Variants in ARFGEF1 observed in about 807,000 individuals in gnomAD.
ARFGEF1 encodes ARF guanine nucleotide exchange factor 1.
A neutral mutation model predicts 231.0 loss-of-function variants in ARFGEF1; 42 were observed. The observed-to-expected ratio is 0.18, with a 90% CI of 0.14 to 0.24. ARFGEF1 has a LOEUF of 0.24. Ranked by LOEUF, ARFGEF1 falls within the 10% of genes least tolerant of loss-of-function variation. The pLI, the probability that ARFGEF1 is intolerant of heterozygous loss-of-function variation, is 1.00. For missense variants in ARFGEF1, 1,345 were observed against 2,192.0 expected (o/e 0.61, Z 7.72); for synonymous variants, 710 against 732.3 (o/e 0.97, Z 0.49).
intron 17 of ARFGEF1, among the ~76,000 whole-genome samples, chr8:67,255,421 T>A (rs1027401693): frequency 2.0e-4 from 31 of 152,140 alleles, no homozygotes; most frequent in African/African-American, 3.6e-4. Context: ...TAAATATGCC[T>A]AAAATTTTTT....
intron 15 of ARFGEF1, among the ~76,000 whole-genome samples, chr8:67,259,138 G>C (rs1282593902): frequency 6.6e-6 from 1 of 152,156 alleles, no homozygotes; most frequent in Non-Finnish European, 1.5e-5. Context: ...TCAATTTGTG[G>C]TTGGTTGAAT....
chr8:67,180,902 A>G (rs1832852737), intron 5 of ARFGEF1, among the ~76,000 whole-genome samples: 1 of 151,968 alleles, frequency 6.6e-6, no homozygotes, highest in South Asian at 2.1e-4. Context: ...TACTCTGATC[A>G]TGAGTGTTTC....
At chr8:67,220,918 C>A (rs1181979156) in intron 29 of ARFGEF1, among the ~76,000 whole-genome samples, 1 of 147,900 alleles carries the variant, frequency 6.8e-6, no homozygotes, top group African/African-American at 2.5e-5. Context: ...TTTTTAAAGC[C>A]ATACTTAAGT....
At chr8:67,224,204 G>A (rs573666637) in intron 29 of ARFGEF1, among the ~76,000 whole-genome samples, 3 of 151,972 alleles carry the variant, frequency 2.0e-5, no homozygotes, top group African/African-American at 7.2e-5. Flanking sequence ...AAAAGATTTT[G>A]TTTACCATAA....
intron 23 of ARFGEF1, among the ~76,000 whole-genome samples, chr8:67,230,773 G>A (rs1839528397): frequency 6.6e-6 from 1 of 151,932 alleles, no homozygotes; most frequent in Non-Finnish European, 1.5e-5. Flanking sequence ...TTATGAAATT[G>A]GTCTAATTTA....
In ARFGEF1 at chr8:67,285,035, G is replaced by C. The variant is rs988206713; in HGVS notation, c.1027+2920C>G. On this transcript the variant is annotated intron_variant, in intron 7 of 38. Transcript: ENST00000262215. Reference sequence around the variant, plus strand: ...CAGACAAAAAAATAAAAATAATGATGATACAGGATTATAACACATCAAATA... The same window carrying C: ...CAGACAAAAAAATAAAAATAATGATCATACAGGATTATAACACATCAAATA... Among the ~76,000 whole-genome samples the C allele has an allele frequency of 1.2e-4, 15 of 121,752 alleles. No homozygotes were observed. The Admixed American group carries it at 1.5e-3, about 12-fold the overall frequency. 79.9% of individuals were successfully genotyped at this position (121,752 alleles called of 152,430 possible).
intron 7 of ARFGEF1, 87 bp from the exon 8 acceptor site, chr8:67,277,544 G>A: frequency 1.6e-6 from 2 of 1,281,752 alleles, no homozygotes; most frequent in Non-Finnish European, 2.2e-6. Context: ...AAATGAAACA[G>A]TGGCAGGAAA....
intron 34 of ARFGEF1, chr8:67,207,243 C>A (rs1264883090): frequency 6.6e-6 from 1 of 152,186 alleles, no homozygotes; most frequent in Non-Finnish European, 1.5e-5. Flanking sequence ...CCTAGTAGCA[C>A]CTGGACTCCA....
At chr8:67,227,348 A>T in intron 26 of ARFGEF1, 39 bp from the exon 27 acceptor site, 1 of 1,600,872 alleles carries the variant, frequency 6.2e-7, no homozygotes, top group Non-Finnish European at 8.5e-7. Flanking sequence ...ATGCAAACCG[A>T]TAAAACTCAT....
chr8:67,330,311 A>G (rs1808042134), intron 1 of ARFGEF1, among the ~76,000 whole-genome samples: 1 of 152,130 alleles, frequency 6.6e-6, no homozygotes, highest in Non-Finnish European at 1.5e-5. Context: ...ATGTTGGCAT[A>G]CTCATTGACT....
At chr8:67,212,338 C>T (rs764056176) in intron 33 of ARFGEF1, among the ~76,000 whole-genome samples, 4 of 152,200 alleles carry the variant, frequency 2.6e-5, no homozygotes, top group Non-Finnish European at 5.9e-5. Flanking sequence ...CTGCCTCGGC[C>T]TCCCAAAGTG....
intron 5 of ARFGEF1, among the ~76,000 whole-genome samples, chr8:67,188,335 G>A (rs1835256933): frequency 6.6e-6 from 1 of 152,224 alleles, no homozygotes; most frequent in Non-Finnish European, 1.5e-5. Flanking sequence ...GCCTAGCTGG[G>A]AAGGTGACTG....
At chr8:67,252,842 C>T (rs1273381991) in intron 18 of ARFGEF1, among the ~76,000 whole-genome samples, 7 of 152,154 alleles carry the variant, frequency 4.6e-5, no homozygotes, top group Admixed American at 4.6e-4. Flanking sequence ...TCCTAAACCT[C>T]CCCACCTCCT....
At chr8:67,216,273 A>G (rs1186600803) in intron 33 of ARFGEF1, among the ~76,000 whole-genome samples, 4 of 152,136 alleles carry the variant, frequency 2.6e-5, no homozygotes, top group Admixed American at 6.5e-5. Flanking sequence ...TGAGTAGGCC[A>G]TGAGAATTAG....
At chr8:67,294,606 T>C (rs935903895) in intron 5 of ARFGEF1, among the ~76,000 whole-genome samples, 4 of 152,146 alleles carry the variant, frequency 2.6e-5, no homozygotes, top group African/African-American at 9.7e-5. Context: ...TATTTCTCAT[T>C]GTTTAGAGAA....
intron 1 of ARFGEF1, among the ~76,000 whole-genome samples, chr8:67,330,240 A>G (rs554466293): frequency 1.3e-5 from 2 of 152,272 alleles, no homozygotes; most frequent in East Asian, 3.9e-4. Flanking sequence ...GAAATATTTA[A>G]CTATTTCATA....
chr8:67,225,839 C>T (rs537812632), intron 28 of ARFGEF1, among the ~76,000 whole-genome samples, 184 bp downstream of exon 28: 3 of 152,040 alleles, frequency 2.0e-5, no homozygotes, highest in Non-Finnish European at 4.4e-5. Context: ...AGAAAAATAC[C>T]TGACACTTTC....
intron 4 of ARFGEF1, among the ~76,000 whole-genome samples, chr8:67,297,100 T>C (rs1263052288): frequency 6.6e-6 from 1 of 152,236 alleles, no homozygotes; most frequent in Non-Finnish European, 1.5e-5. Flanking sequence ...TTAAAATATT[T>C]GATGTTTTCC....
chr8:67,314,353 C>T (rs189431669), intron 1 of ARFGEF1, among the ~76,000 whole-genome samples: 164 of 152,204 alleles, frequency 1.1e-3, no homozygotes, highest in African/African-American at 3.7e-3. Context: ...GGAGTTTTAC[C>T]CCCCTGCTCC....
Sources: allele counts gnomAD v4.1 joint callset (sites outside exome capture counted in the v4.1 genomes callset), GRCh38; gene constraint gnomAD v4.1.1; transcripts MANE v1.5; gene names NCBI Gene and HGNC (gene_info 2026-07-23, HGNC 2026-07-21).